The following HIBCH variants were observed in gnomAD, a reference collection of about 807,000 sequenced individuals.
The protein encoded by HIBCH is 3-hydroxyisobutyryl-CoA hydrolase, mitochondrial.
HIBCH carries 50 observed loss-of-function variants against 58.2 expected under a neutral mutation model. That is an observed-to-expected ratio of 0.86 (90% CI 0.68 to 1.09). HIBCH has a LOEUF of 1.09. HIBCH is among the 50% of genes least tolerant of loss of function. The pLI, the probability that HIBCH is intolerant of heterozygous loss-of-function variation, is 0.00. For missense variants in HIBCH, 450 were observed against 449.7 expected (o/e 1.00, Z -0.01); for synonymous variants, 151 against 146.9 (o/e 1.03, Z -0.20).
downstream of HIBCH, chr2:190,202,028 G>C (rs1381603825): frequency 6.0e-6 from 1 of 167,024 alleles, no homozygotes; most frequent in Non-Finnish European, 1.5e-5. Flanking sequence ...AGGTAAAGCA[G>C]CATGCCCCAC....
downstream of HIBCH, among the ~76,000 whole-genome samples, chr2:190,199,266 G>T (rs896971898): frequency 6.6e-6 from 1 of 152,168 alleles, no homozygotes; most frequent in Non-Finnish European, 1.5e-5. Context: ...GGGCCACATG[G>T]TCTGTCACAG....
Position 190,315,121 on chromosome 2 carries a change from G to C in HIBCH, c.36-4325C>G, listed in dbSNP as rs1029522914. ...TGCCACCATGCCCGGCTAATTTTTT[G>C]TATTTTTAGTAGAAACGGGGTTTCA... On this transcript the variant is annotated intron_variant, in intron 1 of 13. Transcript: ENST00000359678. The surrounding 1 kb of genome is among the most constrained non-coding windows in gnomAD (Gnocchi z 5.4). 2.6e-5 allele frequency among the ~76,000 whole-genome samples: 4 copies of C among 151,860 alleles called. No individual in the cohort carries two copies. The highest frequency in any genetic ancestry group is 5.9e-5 in the Non-Finnish European group (4 of 67,946).
chr2:190,283,531 A>C (rs1442652524), intron 6 of HIBCH, among the ~76,000 whole-genome samples: 1 of 152,238 alleles, frequency 6.6e-6, no homozygotes, highest in Non-Finnish European at 1.5e-5. Context: ...AATTAAAAAC[A>C]AAATGTTACA....
chr2:190,288,009 G>GA (rs1471562601), intron 5 of HIBCH, among the ~76,000 whole-genome samples: 1 of 151,920 alleles, frequency 6.6e-6, no homozygotes, highest in Admixed American at 6.6e-5. Context: ...AGTATAGCCA[G>GA]GTGTGGTGGC....
intron 3 of HIBCH, among the ~76,000 whole-genome samples, chr2:190,296,481 G>A (rs540448288): frequency 1.3e-5 from 2 of 150,464 alleles, no homozygotes; most frequent in African/African-American, 4.9e-5. Flanking sequence ...AAGCAGATTC[G>A]ATTTGTACAC....
At chr2:190,284,256 T>G (rs762498035) in intron 6 of HIBCH, among the ~76,000 whole-genome samples, 1 of 152,262 alleles carries the variant, frequency 6.6e-6, no homozygotes, top group African/African-American at 2.4e-5. Context: ...ATAAATATTC[T>G]TGGTTGTTAC....
chr2:190,276,124 C>A (rs572930372), intron 6 of HIBCH, among the ~76,000 whole-genome samples: 2 of 152,286 alleles, frequency 1.3e-5, no homozygotes, highest in East Asian at 3.9e-4. Flanking sequence ...CACAAGCAGA[C>A]TGGTCAAGAG....
Position 190,193,101 on chromosome 2 carries a change from T to C in HIBCH, c.*18-3104A>G, listed in dbSNP as rs145085390. Among the ~76,000 whole-genome samples the C allele has an allele frequency of 4.2e-3, 642 of 152,224 alleles. 5 individuals are homozygous for C. The highest frequency in any genetic ancestry group is 0.015 in the African/African-American group (625 of 41,552). On this transcript the variant is annotated intron_variant, in intron 1 of 1. Transcript: ENST00000399855. ...CTCCTGTCATAGGGAAAAAGTGTTG[T>C]CTTTCACCACTAACATTACTTTTGA...
chr2:190,208,940 G>A (rs901698281), intron 12 of HIBCH, 27 bp from the exon 13 acceptor site: 3 of 1,606,362 alleles, frequency 1.9e-6, no homozygotes, highest in Non-Finnish European at 2.6e-6. Context: ...ATTAAATGGG[G>A]ATAATTTCTG....
In HIBCH at chr2:190,293,991, C is replaced by T. The variant is rs146747004; in HGVS notation, c.304+555G>A. ...TGTTTAAACACGTAAAATATACTTACAATATATATTTTGTAATATATATTT... is the reference window on the plus strand; with the variant it reads ...TGTTTAAACACGTAAAATATACTTATAATATATATTTTGTAATATATATTT... On this transcript the variant is annotated intron_variant, in intron 4 of 13. Transcript: ENST00000359678. Among the ~76,000 whole-genome samples the T allele has an allele frequency of 6.2e-3, 855 of 138,574 alleles. 9 individuals are homozygous for T. Among genetic ancestry groups the T allele is most frequent in the African/African-American group, 0.02 (770 of 37,780 alleles). 90.9% of individuals were successfully genotyped at this position (138,574 alleles called of 152,430 possible).
In HIBCH at chr2:190,296,960, A is replaced by G. The variant is rs201950316; in HGVS notation, c.79-7T>C. ...CTGTGTGCTTGGACATTCTCTGTAT[A>G]AACAAAGAATAACTTTATGACAAAA... On this transcript the variant is annotated splice_polypyrimidine_tract_variant and splice_region_variant and intron_variant, in intron 2 of 13. Transcript: ENST00000359678. The G allele has an allele frequency of 1.7e-4, 281 of 1,613,958 alleles. 4 individuals carry two copies. The Middle Eastern group carries it at 2.1e-3, about 12-fold the overall frequency.
chr2:190,285,455 G>A (rs759870513), intron 6 of HIBCH, among the ~76,000 whole-genome samples: 4 of 151,986 alleles, frequency 2.6e-5, no homozygotes, highest in East Asian at 3.9e-4. Context: ...ACCAACCCAC[G>A]CTCAGTTTCT....
chr2:190,314,831 A>C (rs1419873821), intron 1 of HIBCH, among the ~76,000 whole-genome samples: 2 of 152,142 alleles, frequency 1.3e-5, no homozygotes, highest in African/African-American at 4.8e-5. Context: ...ATTAGCTTTT[A>C]TACCTCAAAA....
intron 1 of HIBCH, among the ~76,000 whole-genome samples, chr2:190,196,049 T>C (rs16832416): frequency 0.052 from 7,022 of 135,552 alleles, 530 homozygotes; most frequent in African/African-American, 0.18. Context: ...TGATCATCTC[T>C]GCCTTTCAAT....
chr2:190,301,671 C>T (rs546605042), intron 2 of HIBCH, among the ~76,000 whole-genome samples: 1 of 152,258 alleles, frequency 6.6e-6, no homozygotes, highest in African/African-American at 2.4e-5. Context: ...ATGCCTTAAA[C>T]TGGGTAATTT....
intron 11 of HIBCH, among the ~76,000 whole-genome samples, chr2:190,235,537 A>G (rs1257548973): frequency 6.6e-6 from 1 of 152,220 alleles, no homozygotes; most frequent in African/African-American, 2.4e-5. Flanking sequence ...ATTTAAAAAC[A>G]TGAGTTCTTA....
chr2:190,208,702 G>A (rs1690451568), intron 13 of HIBCH, 178 bp downstream of exon 13: 1 of 489,120 alleles, frequency 2.0e-6, no homozygotes, highest in Non-Finnish European at 3.7e-6. Context: ...TGGAATATTT[G>A]CATTATACTT....
At chr2:190,303,510 T>C (rs1234371280) in intron 2 of HIBCH, among the ~76,000 whole-genome samples, 1 of 151,584 alleles carries the variant, frequency 6.6e-6, no homozygotes, top group Non-Finnish European at 1.5e-5. Flanking sequence ...AAGGAATTCC[T>C]AATGGCCAGA....
intron 11 of HIBCH, among the ~76,000 whole-genome samples, chr2:190,234,325 G>T (rs1161605655): frequency 1.3e-5 from 2 of 152,348 alleles, no homozygotes; most frequent in East Asian, 3.9e-4. Context: ...ATAACCCATA[G>T]AAATGTGTGT....
Sources: allele counts gnomAD v4.1 joint callset (sites outside exome capture counted in the v4.1 genomes callset), GRCh38; gene constraint gnomAD v4.1.1; non-coding constraint Gnocchi (gnomAD v3.1); transcripts MANE v1.5; gene names NCBI Gene and HGNC (gene_info 2026-07-23, HGNC 2026-07-21).